Variants in MTOR observed in about 807,000 individuals in gnomAD.
The protein encoded by MTOR is serine/threonine-protein kinase mTOR.
A neutral mutation model predicts 319.8 loss-of-function variants in MTOR; 70 were observed. That is an observed-to-expected ratio of 0.22 (90% CI 0.18 to 0.27). MTOR has a LOEUF of 0.27. Among genes scored for constraint, MTOR ranks in the 10% least tolerant of loss-of-function variants. The pLI, the probability that MTOR is intolerant of heterozygous loss-of-function variation, is 1.00. For synonymous variants in MTOR, 1,183 were observed against 1,211.4 expected (o/e 0.98, Z 0.49); for missense variants, 1,890 against 3,274.4 (o/e 0.58, Z 10.32).
intron 28 of MTOR, among the ~76,000 whole-genome samples, chr1:11,184,733 TA>T (rs1275214438): frequency 1.3e-5 from 2 of 151,304 alleles, no homozygotes; most frequent in South Asian, 2.1e-4. Context: ...ACTATGTCTC[TA>T]AAAAAAATAA....
In MTOR at chr1:11,228,673, G is replaced by A. The variant is rs758634485; in HGVS notation, c.3025C>T (p.Arg1009Trp). Residue 1009 changes from arginine (R) to tryptophan (W), a missense_variant, in exon 19 of 58, where the codon CGG (arginine) becomes TGG (tryptophan). Coordinates refer to ENST00000361445, the MANE Select transcript of MTOR (RefSeq NM_004958.4). ...TTGGGGTTTGAGGTACTTACTTCCC[G>A]GATGGCCCCATCACAGACTCGAATG... is the stretch of plus-strand genomic sequence containing the variant. ...NVIRVCDGAI[R>W]EFLFQQLGML... The A allele has an allele frequency of 2.0e-5, 33 of 1,613,636 alleles. No homozygotes were observed. Among genetic ancestry groups the A allele is most frequent in the East Asian group, 2.2e-5 (1 of 44,882 alleles).
Position 11,256,268 on chromosome 1 carries a change from C to G in MTOR, c.505-76G>C, listed in dbSNP as rs368506582. 9.9e-4 allele frequency: 1,511 copies of G among 1,533,836 alleles called. 9 individuals carry two copies. Among genetic ancestry groups the G allele is most frequent in the South Asian group, 3.4e-3 (277 of 80,326 alleles). ...TCTCAGGAGTACAGTCTCTTGTCAT[C>G]TTAGAGCCATACACACCAGGAACAG... On this transcript the variant is annotated intron_variant, in intron 4 of 57. Coordinates refer to ENST00000361445, the MANE Select transcript of MTOR (RefSeq NM_004958.4).
intron 54 of MTOR, chr1:11,111,236 T>C (rs940192843): frequency 1.6e-5 from 7 of 446,558 alleles, no homozygotes; most frequent in Admixed American, 4.8e-5. Flanking sequence ...CCCAGCACTT[T>C]GGGAGGCCGA....
At position 11,109,209 on chromosome 1, in the gene MTOR, G is replaced by C; in HGVS notation, c.7528+81C>G. The C allele has an allele frequency of 2.3e-6, 3 of 1,287,680 alleles. No individual in the cohort carries two copies. Among genetic ancestry groups the C allele is most frequent in the Non-Finnish European group, 3.3e-6 (3 of 902,708 alleles). 79.8% of individuals were successfully genotyped at this position (1,287,680 alleles called of 1,614,324 possible). A position where few individuals can be genotyped will look rare whatever the true frequency, so the allele number is the denominator to read the frequency against. ...CCAAAGCTCGTCACTAACACCACTG[G>C]ACATGGGGCTGACCACCACTCAGAG... On this transcript the variant is annotated intron_variant, in intron 56 of 57. Transcript: ENST00000361445. The surrounding 1 kb of genome is among the most constrained non-coding windows in gnomAD (Gnocchi z 4.0).
At position 11,223,028 on chromosome 1, in the gene MTOR, G is replaced by A. The variant is rs190280764; in HGVS notation, c.3030+5640C>T. Among the ~76,000 whole-genome samples the A allele has an allele frequency of 1.6e-3, 246 of 152,264 alleles. 2 individuals are homozygous for A. The highest frequency in any genetic ancestry group is 5.7e-3 in the African/African-American group (236 of 41,558). ...TACTGTAATCTATGAAGTATCTCTT[G>A]TCAAAAGAACAGAACCTGAATCTAA... On this transcript the variant is annotated intron_variant, in intron 19 of 57. Coordinates refer to ENST00000361445, the MANE Select transcript of MTOR (RefSeq NM_004958.4).
chr1:11,146,062 G>C (rs1643918447), intron 32 of MTOR, among the ~76,000 whole-genome samples: 1 of 152,136 alleles, frequency 6.6e-6, no homozygotes, highest in Non-Finnish European at 1.5e-5. Context: ...ACTGCAGTTT[G>C]AGTTTCCTCT....
At chr1:11,176,612 T>TCA (rs1645001376) in intron 28 of MTOR, among the ~76,000 whole-genome samples, 1 of 152,180 alleles carries the variant, frequency 6.6e-6, no homozygotes. Flanking sequence ...GACACATGCA[T>TCA]CACAGCTGAT....
At chr1:11,165,344 C>T in intron 29 of MTOR, among the ~76,000 whole-genome samples, 1 of 152,104 alleles carries the variant, frequency 6.6e-6, no homozygotes, top group Admixed American at 6.6e-5. Flanking sequence ...TTTAGAAAAC[C>T]CCGTCATCTC....
In MTOR at chr1:11,210,920, G is replaced by C; in HGVS notation, c.3562-14C>G. ...GAAAATTTGGTACTAAAACAGGAGG[G>C]GGAAGAGATGAGAAACTATCATTTT... On this transcript the variant is annotated splice_polypyrimidine_tract_variant and intron_variant, in intron 23 of 57. Transcript: ENST00000361445. 2.6e-6 allele frequency: 4 copies of C among 1,530,056 alleles called. No individual in the cohort carries two copies. Among genetic ancestry groups the C allele is most frequent in the Non-Finnish European group, 3.6e-6 (4 of 1,107,620 alleles). 94.8% of individuals were successfully genotyped at this position (1,530,056 alleles called of 1,614,324 possible).
chr1:11,217,212 T>C (rs1170146685), intron 19 of MTOR, among the ~76,000 whole-genome samples: 1 of 152,028 alleles, frequency 6.6e-6, no homozygotes, highest in East Asian at 1.9e-4. Context: ...ACCTTTTAGG[T>C]GTAGGAAGAA....
At chr1:11,137,854 G>GGCAGAGCA (rs1643502803) in intron 36 of MTOR, among the ~76,000 whole-genome samples, 1 of 152,224 alleles carries the variant, frequency 6.6e-6, no homozygotes, top group African/African-American at 2.4e-5. Flanking sequence ...CCTCAGGCGA[G>GGCAGAGCA]GCAGAGCATG....
At chr1:11,116,183 C>T (rs1237395592) in intron 50 of MTOR, among the ~76,000 whole-genome samples, 1 of 152,126 alleles carries the variant, frequency 6.6e-6, no homozygotes, top group Non-Finnish European at 1.5e-5. Flanking sequence ...TACACTTGGA[C>T]AAAACTTATT....
chr1:11,193,105 T>G (rs978553004), intron 28 of MTOR, among the ~76,000 whole-genome samples: 2 of 151,876 alleles, frequency 1.3e-5, no homozygotes, highest in Non-Finnish European at 2.9e-5. Flanking sequence ...TCACCTGAGG[T>G]CAGGACTTTG....
At chr1:11,114,753 CA>C in intron 52 of MTOR, 59 bp downstream of exon 52, 1 of 1,530,352 alleles carries the variant, frequency 6.5e-7, no homozygotes, top group Non-Finnish European at 9.0e-7. Flanking sequence ...AGCGTGTTCT[CA>C]GAAGGCTGTA....
chr1:11,209,429 A>G lies in MTOR; in HGVS notation c.3684T>C (p.Asp1228=). ...KGYTLADEEE[D]PLIYQHRMLR... ...GCATCCGATGCTGGTAAATCAAAGG[A>G]TCCTCCTCTTCATCAGCAAGTGTGT... The change falls in exon 25 of 58, where the codon GAT becomes GAC. Residue 1228 remains aspartate, a synonymous_variant. Transcript: ENST00000361445. The G allele has an allele frequency of 1.9e-6, 3 of 1,614,176 alleles. No homozygotes were observed. Among genetic ancestry groups the G allele is most frequent in the Non-Finnish European group, 2.5e-6 (3 of 1,180,034 alleles).
At chr1:11,148,986 A>G (rs1269973259) in intron 31 of MTOR, among the ~76,000 whole-genome samples, 1 of 152,018 alleles carries the variant, frequency 6.6e-6, no homozygotes, top group African/African-American at 2.4e-5. Flanking sequence ...GGCTGATTTC[A>G]AACTCCCAGG....
intron 9 of MTOR, among the ~76,000 whole-genome samples, 195 bp downstream of exon 9, chr1:11,242,919 C>T (rs971451452): frequency 2.0e-5 from 3 of 152,140 alleles, no homozygotes; most frequent in African/African-American, 7.3e-5. Context: ...TCAACCTCCC[C>T]AAATATTTCA....
At chr1:11,118,010 C>T (rs1642265171) in intron 49 of MTOR, among the ~76,000 whole-genome samples, 1 of 151,688 alleles carries the variant, frequency 6.6e-6, no homozygotes, top group South Asian at 2.1e-4. Flanking sequence ...ACCCAGGAGG[C>T]AGAGGTTGAA....
chr1:11,243,467 G>C (rs1377138719), intron 8 of MTOR, among the ~76,000 whole-genome samples, 167 bp from the exon 9 acceptor site: 1 of 151,964 alleles, frequency 6.6e-6, no homozygotes, highest in Non-Finnish European at 1.5e-5. Context: ...CAAGGAGAGA[G>C]GAGTGTTTGA....
Sources: gnomAD v4.1 joint callset for allele counts (sites outside exome capture counted in the v4.1 genomes callset) on GRCh38, gnomAD v4.1.1 for gene constraint, Gnocchi (gnomAD v3.1) non-coding constraint, MANE v1.5 for transcripts, NCBI Gene and HGNC (gene_info 2026-07-23, HGNC 2026-07-21) for gene names.